YES1: variants seen among roughly 807,000 people sequenced by gnomAD.
YES1 encodes the protein YES proto-oncogene 1, Src family tyrosine kinase, also known as tyrosine-protein kinase Yes.
A neutral mutation model predicts 70.4 loss-of-function variants in YES1; 39 were observed. The observed-to-expected ratio is 0.55, with a 90% CI of 0.43 to 0.72. The LOEUF (loss-of-function observed/expected upper bound fraction) is 0.72, where lower values mean the gene tolerates loss of function less well. Ranked by LOEUF, YES1 falls within the 30% of genes least tolerant of loss-of-function variation. The pLI is 0.00. For synonymous variants in YES1, 198 were observed against 218.6 expected, an observed-to-expected ratio of 0.91 and a Z score of 0.83; for missense variants, 495 against 644.8, an observed-to-expected ratio of 0.77 and a Z score of 2.52.
chr18:783,474 A>G (rs1270876096), intron 1 of YES1, among the ~76,000 whole-genome samples: 1 of 152,184 alleles, frequency 6.6e-6, no homozygotes, highest in East Asian at 1.9e-4. Flanking sequence ...ATGTTATAAC[A>G]AAATTGAATC....
In YES1 at chr18:790,131, T is replaced by G. The variant is rs944550832; in HGVS notation, c.-9+21983A>C. On this transcript the variant is annotated intron_variant, in intron 1 of 11. Transcript: ENST00000314574. ...TGGCTCATGCCTGTAATCTCAGCAC[T>G]TTGGGAGACCAAGGTGGGCGGATCA... Among the ~76,000 whole-genome samples, 14 of 152,314 alleles carry G rather than the reference T, an allele frequency of 9.2e-5. No homozygotes were observed. The East Asian group carries it at 2.7e-3, about 29-fold the overall frequency.
Position 794,357 on chromosome 18 carries a change from A to T in YES1, c.-9+17757T>A, listed in dbSNP as rs114984545. On this transcript the variant is annotated intron_variant, in intron 1 of 11. Coordinates refer to ENST00000314574, the MANE Select transcript of YES1 (RefSeq NM_005433.4). ...CAGTAGTCTAACTTTTAAAAATATC[A>T]ATGTCATGAAAGATAAAGCCTGAAG... Among the ~76,000 whole-genome samples, 716 of 152,328 alleles carry T rather than the reference A, an allele frequency of 4.7e-3. 6 individuals are homozygous for T. Among genetic ancestry groups the T allele is most frequent in the African/African-American group, 0.016 (677 of 41,568 alleles).
chr18:780,415 A>C lies in YES1; in HGVS notation c.-8-23580T>G, dbSNP rs149646642. Among the ~76,000 whole-genome samples, 733 of 152,178 alleles carry C rather than the reference A, an allele frequency of 4.8e-3. 7 individuals carry two copies. Among genetic ancestry groups the C allele is most frequent in the Non-Finnish European group, 7.3e-3 (499 of 67,998 alleles). On this transcript the variant is annotated intron_variant, in intron 1 of 11. Coordinates refer to ENST00000314574, the MANE Select transcript of YES1 (RefSeq NM_005433.4). ...GTACAACTGGTGGCTTTATAAGAGG[A>C]AGAGAGATCTTAGCTTAGCACAATA...
At chr18:811,230 TTTCA>T (rs1447684483) in intron 1 of YES1, among the ~76,000 whole-genome samples, 15 of 152,346 alleles carry the variant, frequency 9.8e-5, no homozygotes, top group Admixed American at 2.6e-4. Flanking sequence ...CACCAAAGAC[TTTCA>T]TTATTTCCTT....
chr18:731,456 C>T (rs12185470), intron 11 of YES1, among the ~76,000 whole-genome samples: 17,514 of 152,144 alleles, frequency 0.12, 1,116 homozygotes, highest in East Asian at 0.27. Flanking sequence ...AGATCTACAG[C>T]TGGAGGGAAC....
At chr18:805,166 C>A (rs896757015) in intron 1 of YES1, among the ~76,000 whole-genome samples, 6 of 152,128 alleles carry the variant, frequency 3.9e-5, no homozygotes, top group Non-Finnish European at 8.8e-5. Context: ...TATGTGAACA[C>A]TCTAGAGTGT....
At chr18:736,656 C>T (rs2080156595) in intron 10 of YES1, 152 bp downstream of exon 10, 1 of 1,024,036 alleles carries the variant, frequency 9.8e-7, no homozygotes, top group Non-Finnish European at 1.3e-6. Flanking sequence ...CAGAAAGCCA[C>T]AGCAGTACAT....
At chr18:811,800 G>A (rs1907397985) in intron 1 of YES1, among the ~76,000 whole-genome samples, 1 of 152,144 alleles carries the variant, frequency 6.6e-6, no homozygotes, top group African/African-American at 2.4e-5. Context: ...GTCGCCGGGC[G>A]GTCCACACGA....
chr18:798,875 T>C (rs1568219662), intron 1 of YES1, among the ~76,000 whole-genome samples: 1 of 152,208 alleles, frequency 6.6e-6, no homozygotes, highest in African/African-American at 2.4e-5. Flanking sequence ...CTACTTTTAA[T>C]ATAAACCCGA....
chr18:797,965 A>G (rs1303049968), intron 1 of YES1: 1 of 152,138 alleles, frequency 6.6e-6, no homozygotes, highest in Admixed American at 6.5e-5. Flanking sequence ...ACTTCACACT[A>G]TGATCTCTTA....
chr18:725,534 AACTC>A (rs2080007572), intron 11 of YES1, among the ~76,000 whole-genome samples: 2 of 152,326 alleles, frequency 1.3e-5, no homozygotes, highest in Admixed American at 6.5e-5. Flanking sequence ...ATTACTTTGA[AACTC>A]AATACTTAAA....
At chr18:748,464 A>C (rs2080305979) in intron 3 of YES1, among the ~76,000 whole-genome samples, 1 of 151,892 alleles carries the variant, frequency 6.6e-6, no homozygotes, top group Admixed American at 6.6e-5. Context: ...AGAGTTGTAC[A>C]ACCATTATCA....
chr18:786,870 A>T (rs1905974974), intron 1 of YES1, among the ~76,000 whole-genome samples: 1 of 152,134 alleles, frequency 6.6e-6, no homozygotes, highest in Non-Finnish European at 1.5e-5. Flanking sequence ...AGAAACACAC[A>T]TATAACAAGG....
In YES1 at chr18:806,561, T is replaced by A. The variant is rs188540586; in HGVS notation, c.-9+5553A>T. Among the ~76,000 whole-genome samples the A allele has an allele frequency of 7.2e-3, 1,096 of 152,346 alleles. 8 individuals carry two copies. The highest frequency in any genetic ancestry group is 0.02 in the Middle Eastern group (6 of 294). ...ATCTGCCCAGAACCACATCCCTACATACAATTCAGAATTTATTTAGTATTT... is the reference window on the plus strand; with the variant it reads ...ATCTGCCCAGAACCACATCCCTACAAACAATTCAGAATTTATTTAGTATTT... On this transcript the variant is annotated intron_variant, in intron 1 of 11. Coordinates refer to ENST00000314574, the MANE Select transcript of YES1 (RefSeq NM_005433.4).
chr18:729,347 G>A (rs754486744), intron 11 of YES1, among the ~76,000 whole-genome samples: 2 of 151,844 alleles, frequency 1.3e-5, no homozygotes, highest in Non-Finnish European at 2.9e-5. Flanking sequence ...CCTGGGAGGC[G>A]GAGGCTGCAG....
chr18:802,688 T>C (rs1906888111), intron 1 of YES1, among the ~76,000 whole-genome samples: 1 of 152,198 alleles, frequency 6.6e-6, no homozygotes, highest in Admixed American at 6.5e-5. Context: ...TGGAACAGGC[T>C]TGTAGTCAGC....
chr18:776,595 G>A (rs1300489292), intron 1 of YES1, among the ~76,000 whole-genome samples: 1 of 152,090 alleles, frequency 6.6e-6, no homozygotes, highest in African/African-American at 2.4e-5. Context: ...AGGATTTAGT[G>A]CATTTACTCC....
intron 1 of YES1, among the ~76,000 whole-genome samples, chr18:780,470 C>T (rs1206545079): frequency 6.6e-6 from 1 of 152,060 alleles, no homozygotes; most frequent in Non-Finnish European, 1.5e-5. Context: ...CATGTGATAT[C>T]CTCCACCACC....
At position 756,778 on chromosome 18, in the gene YES1, C is replaced by T. The variant is rs2080413157; in HGVS notation, c.50G>A (p.Arg17Lys). The change falls in exon 2 of 12, where the codon AGA becomes AAA. Residue 17 changes from arginine (R) to lysine (K), a missense_variant. Arg to Lys is a conservative substitution (Grantham distance 26). This residue lies in a region of YES1 where 110 missense variants were observed against 104.0 expected (regional missense o/e 1.06). Coordinates refer to ENST00000314574, the MANE Select transcript of YES1 (RefSeq NM_005433.4). The part of the protein sequence containing the change: ...KENKSPAIKY[R>K]PENTPEPVST... ...GACAGGCTCTGGAGTATTTTCAGGTCTGTATTTAATGGCTGGACTTTTGTT... is the reference window on the plus strand; with the variant it reads ...GACAGGCTCTGGAGTATTTTCAGGTTTGTATTTAATGGCTGGACTTTTGTT... 1 of 1,614,002 alleles carries T rather than the reference C, an allele frequency of 6.2e-7. No homozygotes were observed. Among genetic ancestry groups the T allele is most frequent in the South Asian group, 1.1e-5 (1 of 91,086 alleles).
Sources: gnomAD v4.1 joint callset for allele counts (sites outside exome capture counted in the v4.1 genomes callset) on GRCh38, gnomAD v4.1.1 for gene constraint, gnomAD v4.1.1 regional missense constraint, MANE v1.5 for transcripts, NCBI Gene and HGNC (gene_info 2026-07-23, HGNC 2026-07-21) for gene names.